Variants in SLIT2 observed in about 807,000 individuals in gnomAD.
The protein encoded by SLIT2 is slit homolog 2 protein.
SLIT2 carries 41 observed loss-of-function variants against 185.7 expected under a neutral mutation model. The ratio of observed to expected loss-of-function variants is 0.22; its 90% CI spans 0.17 to 0.29. SLIT2 has a LOEUF of 0.29. Ranked by LOEUF, SLIT2 falls within the 10% of genes least tolerant of loss-of-function variation. SLIT2 has a pLI of 1.00. For synonymous variants in SLIT2, 693 were observed against 680.2 expected (o/e 1.02, Z -0.29); for missense variants, 1,571 against 1,909.0 (o/e 0.82, Z 3.30).
intron 5 of SLIT2, among the ~76,000 whole-genome samples, chr4:20,478,190 G>C (rs1351371886): frequency 1.3e-5 from 2 of 152,092 alleles, no homozygotes; most frequent in Non-Finnish European, 1.5e-5. Flanking sequence ...GTTAATGAAA[G>C]AATTATTCAC....
chr4:20,612,151 G>A (rs1361162450), intron 34 of SLIT2, among the ~76,000 whole-genome samples: 3 of 151,414 alleles, frequency 2.0e-5, no homozygotes, highest in South Asian at 2.1e-4. Context: ...GCTGAGGAGG[G>A]AGGATCATGT....
At chr4:20,511,664 G>A (rs1198546138) in intron 11 of SLIT2, among the ~76,000 whole-genome samples, 7 of 146,552 alleles carry the variant, frequency 4.8e-5, no homozygotes, top group African/African-American at 1.0e-4. Context: ...TCCTGACCTC[G>A]TGATCCGCCC....
Position 20,618,800 on chromosome 4 carries a change from T to C in SLIT2, c.4381T>C (p.Tyr1461His). 1 of 1,608,220 alleles carries C rather than the reference T, an allele frequency of 6.2e-7. No individual in the cohort carries two copies. Among genetic ancestry groups the C allele is most frequent in the Non-Finnish European group, 8.5e-7 (1 of 1,175,200 alleles). Residue 1461 changes from tyrosine to histidine, a missense_variant, in exon 37 of 37, where the codon TAT (tyrosine) becomes CAT (histidine). This residue lies in a region of SLIT2 where 223 missense variants were observed against 245.2 expected (regional missense o/e 0.91). Coordinates refer to ENST00000504154, the MANE Select transcript of SLIT2 (RefSeq NM_004787.4). ...TTGTCGAGGGGAAAGGATAAGAGAT[T>C]ATTACCAAAAGCAGCAGGGCTATGC... ...ISCRGERIRD[Y>H]YQKQQGYAAC...
At chr4:20,486,132 T>A in intron 6 of SLIT2, 68 bp from the exon 7 acceptor site, 2 of 961,302 alleles carry the variant, frequency 2.1e-6, no homozygotes, top group Non-Finnish European at 3.3e-6. Flanking sequence ...GTTTTCTCTA[T>A]GTTAATATAT....
chr4:20,599,929 T>C lies in SLIT2; in HGVS notation c.3692+1534T>C, dbSNP rs535832209. 2.0e-5 allele frequency among the ~76,000 whole-genome samples: 3 copies of C among 152,310 alleles called. No homozygotes were observed. The East Asian group carries it at 5.8e-4, about 29-fold the overall frequency. ...ATAGTTCTGGGAAAGTACAAGCCACTTGTAGCCATGAATGGAATTTGATAT... is the reference window on the plus strand; with the variant it reads ...ATAGTTCTGGGAAAGTACAAGCCACCTGTAGCCATGAATGGAATTTGATAT... On this transcript the variant is annotated intron_variant, in intron 33 of 36. Transcript: ENST00000504154.
intron 4 of SLIT2, among the ~76,000 whole-genome samples, chr4:20,314,888 A>C (rs1389403188): frequency 6.6e-6 from 1 of 152,116 alleles, no homozygotes; most frequent in Non-Finnish European, 1.5e-5. Flanking sequence ...GCATAAAATT[A>C]GCAGAAGGGA....
intron 4 of SLIT2, among the ~76,000 whole-genome samples, chr4:20,457,528 T>C (rs968739207): frequency 3.3e-5 from 5 of 152,068 alleles, no homozygotes; most frequent in African/African-American, 1.2e-4. Context: ...TTAAACTCTA[T>C]TGCAAGGTCT....
At chr4:20,378,244 G>A (rs1183501742) in intron 4 of SLIT2, among the ~76,000 whole-genome samples, 1 of 152,096 alleles carries the variant, frequency 6.6e-6, no homozygotes, top group African/African-American at 2.4e-5. Context: ...ACATACATTT[G>A]CAAGTTTCAC....
At chr4:20,472,370 C>CGATATCTATATATA (rs1715318673) in intron 5 of SLIT2, among the ~76,000 whole-genome samples, 1 of 22,462 alleles carries the variant, frequency 4.5e-5, no homozygotes, top group Non-Finnish European at 7.3e-5. Flanking sequence ...ATATAGATAT[C>CGATATCTATATATA]TATATCTATA....
At chr4:20,322,800 G>A (rs951382066) in intron 4 of SLIT2, among the ~76,000 whole-genome samples, 5 of 152,032 alleles carry the variant, frequency 3.3e-5, no homozygotes, top group African/African-American at 7.2e-5. Flanking sequence ...TATAGGTTTC[G>A]GTGATGAATT....
At position 20,618,841 on chromosome 4, in the gene SLIT2, C is replaced by G. The variant is rs755918497; in HGVS notation, c.4422C>G (p.Thr1474=). Residue 1474 remains threonine (T), a synonymous_variant, in exon 37 of 37, where the codon ACC becomes ACG. Coordinates refer to ENST00000504154, the MANE Select transcript of SLIT2 (RefSeq NM_004787.4). ...KQQGYAACQT[T]KKVSRLECRG... The stretch of plus-strand genomic sequence containing the variant: ...AGGGCTATGCTGCTTGCCAAACAAC[C>G]AAGAAGGTGTCCCGATTAGAGTGCA... 19 of 1,613,988 alleles carry G rather than the reference C, an allele frequency of 1.2e-5. No individual in the cohort carries two copies. The highest frequency in any genetic ancestry group is 1.7e-5 in the Admixed American group (1 of 60,006).
chr4:20,259,066 GTCTTTC>G (rs1712167081), intron 3 of SLIT2, among the ~76,000 whole-genome samples: 1 of 151,348 alleles, frequency 6.6e-6, no homozygotes, highest in Non-Finnish European at 1.5e-5. Flanking sequence ...TTTACTATTG[GTCTTTC>G]TCTATGTTAA....
chr4:20,278,585 T>G (rs1167569759), intron 4 of SLIT2, among the ~76,000 whole-genome samples: 2 of 152,144 alleles, frequency 1.3e-5, no homozygotes, highest in African/African-American at 2.4e-5. Context: ...TTTATCTTCT[T>G]TACGTAAGGA....
chr4:20,561,183 G>A (rs1010885808), intron 26 of SLIT2, among the ~76,000 whole-genome samples: 3 of 151,746 alleles, frequency 2.0e-5, no homozygotes, highest in African/African-American at 7.3e-5. Context: ...GCCAGGATAC[G>A]ATGCTGAATG....
At chr4:20,579,317 A>T (rs1470917024) in intron 29 of SLIT2, among the ~76,000 whole-genome samples, 1 of 151,760 alleles carries the variant, frequency 6.6e-6, no homozygotes, top group Non-Finnish European at 1.5e-5. Flanking sequence ...AAAAAAAAAT[A>T]GCCCAGCCAA....
chr4:20,561,442 A>G (rs1219450435), intron 26 of SLIT2, among the ~76,000 whole-genome samples: 1 of 151,718 alleles, frequency 6.6e-6, no homozygotes, highest in African/African-American at 2.4e-5. Context: ...GATAGGCTTG[A>G]GTGGGAGCTT....
chr4:20,526,951 A>G (rs1721351218), intron 15 of SLIT2, among the ~76,000 whole-genome samples: 1 of 152,194 alleles, frequency 6.6e-6, no homozygotes, highest in African/African-American at 2.4e-5. Context: ...GTGCACTCTT[A>G]TTTCATTTTG....
Position 20,618,780 on chromosome 4 carries a change from G to A in SLIT2, c.4361G>A (p.Arg1454Gln), listed in dbSNP as rs764874840. 9 of 1,584,012 alleles carry A rather than the reference G, an allele frequency of 5.7e-6. No individual in the cohort carries two copies. Among genetic ancestry groups the A allele is most frequent in the Admixed American group, 5.1e-5 (3 of 58,598 alleles). ...TGTTCTTTTCTAGAAATCTCTTGTC[G>A]AGGGGAAAGGATAAGAGATTATTAC... The part of the protein sequence containing the change: ...GDSCDREISC[R>Q]GERIRDYYQK... Residue 1454 changes from arginine to glutamine, a missense_variant, in exon 37 of 37, where the codon CGA becomes CAA. This residue lies in a region of SLIT2 where 223 missense variants were observed against 245.2 expected (regional missense o/e 0.91). Coordinates refer to ENST00000504154, the MANE Select transcript of SLIT2 (RefSeq NM_004787.4).
chr4:20,370,757 C>T (rs956972833), intron 4 of SLIT2, among the ~76,000 whole-genome samples: 3 of 152,138 alleles, frequency 2.0e-5, no homozygotes, highest in Non-Finnish European at 4.4e-5. Flanking sequence ...CCAATTTCAG[C>T]ATCCATTAAC....
Sources: gnomAD v4.1 joint callset for allele counts (sites outside exome capture counted in the v4.1 genomes callset) on GRCh38, gnomAD v4.1.1 for gene constraint, gnomAD v4.1.1 regional missense constraint, MANE v1.5 for transcripts, NCBI Gene and HGNC (gene_info 2026-07-23, HGNC 2026-07-21) for gene names.